GPC6: variants seen among roughly 807,000 people sequenced by gnomAD.
GPC6 encodes glypican-6.
In GPC6, 14 loss-of-function variants were observed where a neutral mutation model predicts 55.2. The ratio of observed to expected loss-of-function variants is 0.25; its 90% CI spans 0.17 to 0.40. The LOEUF is 0.40. GPC6 is among the 10% of genes least tolerant of loss of function. The probability of loss-of-function intolerance (pLI) is 1.00; values close to 1 mark genes in which losing one functional copy is unlikely to be tolerated. For synonymous variants in GPC6, 278 were observed against 259.6 expected (o/e 1.07, Z -0.68); for missense variants, 641 against 708.5 (o/e 0.90, Z 1.08).
At chr13:93,864,827 G>A (rs1035166647) in intron 3 of GPC6, among the ~76,000 whole-genome samples, 2 of 151,650 alleles carry the variant, frequency 1.3e-5, no homozygotes, top group African/African-American at 4.8e-5. Context: ...TCTAACCACT[G>A]TACCACAGTG....
At chr13:93,285,665 T>G (rs540116870) in intron 1 of GPC6, among the ~76,000 whole-genome samples, 7 of 140,270 alleles carry the variant, frequency 5.0e-5, no homozygotes, top group Non-Finnish European at 1.1e-4. Context: ...TGTGTGTGTA[T>G]GTGTTTGGTG....
chr13:94,075,435 G>A (rs1466717401), intron 4 of GPC6, among the ~76,000 whole-genome samples: 1 of 151,396 alleles, frequency 6.6e-6, no homozygotes, highest in Non-Finnish European at 1.5e-5. Context: ...TTTGTGTGCA[G>A]GTGTGTGTGT....
At chr13:93,933,063 C>T (rs1359691229) in intron 3 of GPC6, among the ~76,000 whole-genome samples, 3 of 144,804 alleles carry the variant, frequency 2.1e-5, no homozygotes, top group Non-Finnish European at 3.0e-5. Context: ...CAATCCTTGA[C>T]TCATGGCCGC....
intron 5 of GPC6, among the ~76,000 whole-genome samples, chr13:94,296,961 CAATGCGTTTGTTAATAAACACATTAAT>C (rs1346449880): frequency 2.0e-5 from 3 of 151,594 alleles, no homozygotes; most frequent in Non-Finnish European, 4.4e-5. Flanking sequence ...TTTTAATAAT[CAATGCGTTTGTTAATAAACACATTAAT>C]AATGTGTTTA....
chr13:93,999,195 G>A (rs1468180627), intron 3 of GPC6, among the ~76,000 whole-genome samples: 2 of 151,930 alleles, frequency 1.3e-5, no homozygotes, highest in Admixed American at 1.3e-4. Context: ...CCCAGCCCTC[G>A]ACAGGCCCTG....
At chr13:93,449,601 G>A (rs1331332795) in intron 1 of GPC6, among the ~76,000 whole-genome samples, 7 of 152,174 alleles carry the variant, frequency 4.6e-5, no homozygotes, top group African/African-American at 1.7e-4. Context: ...GCCGAGGTGG[G>A]TGGATCACCT....
chr13:94,147,106 T>C (rs1887587529), intron 4 of GPC6, among the ~76,000 whole-genome samples: 1 of 152,124 alleles, frequency 6.6e-6, no homozygotes, highest in South Asian at 2.1e-4. Flanking sequence ...GAATGACCAA[T>C]GCCAGATGAC....
At chr13:93,750,405 C>T (rs1884536435) in intron 2 of GPC6, among the ~76,000 whole-genome samples, 1 of 152,066 alleles carries the variant, frequency 6.6e-6, no homozygotes, top group Non-Finnish European at 1.5e-5. Flanking sequence ...TGGGGAATGG[C>T]ATATAACTAT....
chr13:93,348,258 A>C (rs540575467), intron 1 of GPC6, among the ~76,000 whole-genome samples: 2 of 152,346 alleles, frequency 1.3e-5, no homozygotes, highest in African/African-American at 4.8e-5. Flanking sequence ...GCAAATTAAT[A>C]TACAGTCTCA....
the GPC6 span, among the ~76,000 whole-genome samples, chr13:93,216,569 G>A: frequency 4.4e-3 from 664 of 152,078 alleles, 5 homozygotes; most frequent in African/African-American, 0.016. Context: ...GGTCAACAGA[G>A]GGGTAGTGCA....
At chr13:93,976,134 T>A (rs1041295311) in intron 3 of GPC6, among the ~76,000 whole-genome samples, 2 of 152,174 alleles carry the variant, frequency 1.3e-5, no homozygotes, top group Admixed American at 6.5e-5. Flanking sequence ...CCCTGACAGT[T>A]CACATGCATC....
At chr13:93,324,587 CATATATATATATAT>C (rs34871661) in intron 1 of GPC6, among the ~76,000 whole-genome samples, 1 of 122,888 alleles carries the variant, frequency 8.1e-6, no homozygotes, top group Admixed American at 9.3e-5. Context: ...CACATACATA[CATATATATATATAT>C]ATATATATAT....
At chr13:93,674,492 C>G (rs1375723713) in intron 2 of GPC6, among the ~76,000 whole-genome samples, 2 of 152,128 alleles carry the variant, frequency 1.3e-5, no homozygotes, top group African/African-American at 4.8e-5. Flanking sequence ...AACTACAGAC[C>G]ACGCTGGTTT....
At chr13:93,616,452 A>C (rs1459965554) in intron 2 of GPC6, among the ~76,000 whole-genome samples, 1 of 152,050 alleles carries the variant, frequency 6.6e-6, no homozygotes, top group Non-Finnish European at 1.5e-5. Flanking sequence ...TCACCTTAAA[A>C]CTTTACATTC....
chr13:93,906,217 A>G (rs1026137368), intron 3 of GPC6, among the ~76,000 whole-genome samples: 1 of 152,032 alleles, frequency 6.6e-6, no homozygotes, highest in Non-Finnish European at 1.5e-5. Context: ...TTGGCAAATC[A>G]TCTTCATCAA....
rs978998114 is a variant in GPC6 at position 94,007,997 on chromosome 13, A to G, written c.712-19732A>G. 9.2e-5 allele frequency among the ~76,000 whole-genome samples: 14 copies of G among 152,276 alleles called. No homozygotes were observed. In the East Asian group the frequency reaches 1.5e-3, roughly 17 times the overall value. On this transcript the variant is annotated intron_variant, in intron 3 of 8. Transcript: ENST00000377047. Reference sequence around the variant, plus strand: ...GTTTTTATTTTTATGGACTCACTTTATATATTTGTCAATATTCATTCCAAA... The same window carrying G: ...GTTTTTATTTTTATGGACTCACTTTGTATATTTGTCAATATTCATTCCAAA...
At chr13:93,623,503 G>A (rs1332130981) in intron 2 of GPC6, among the ~76,000 whole-genome samples, 1 of 134,490 alleles carries the variant, frequency 7.4e-6, no homozygotes, top group African/African-American at 2.8e-5. Context: ...CTCTCGCCCA[G>A]GCTGGAGTGC....
At chr13:93,985,304 G>A (rs1238040267) in intron 3 of GPC6, among the ~76,000 whole-genome samples, 2 of 152,020 alleles carry the variant, frequency 1.3e-5, no homozygotes, top group African/African-American at 4.8e-5. Context: ...GGGCGTAATG[G>A]TGCACACCTG....
Position 93,693,988 on chromosome 13 carries a change from A to G in GPC6, c.320-136166A>G, listed in dbSNP as rs7337409. ...AAGTATGTATGTAAGTAACTGAATA[A>G]GCTTTTATTCTGTTAAAACTCTATA... On this transcript the variant is annotated intron_variant, in intron 2 of 8. Coordinates refer to ENST00000377047, the MANE Select transcript of GPC6 (RefSeq NM_005708.5). 2.2e-3 allele frequency among the ~76,000 whole-genome samples: 336 copies of G among 152,318 alleles called. 1 individual carries two copies. Among genetic ancestry groups the G allele is most frequent in the African/African-American group, 7.6e-3 (317 of 41,582 alleles).
Sources: allele counts gnomAD v4.1 joint callset (sites outside exome capture counted in the v4.1 genomes callset), GRCh38; gene constraint gnomAD v4.1.1; transcripts MANE v1.5; gene names NCBI Gene and HGNC (gene_info 2026-07-23, HGNC 2026-07-21).